Variants in CWF19L1 observed in about 807,000 individuals in gnomAD.
CWF19L1 encodes the protein CWF19 like cell cycle control factor 1.
A neutral mutation model predicts 69.7 loss-of-function variants in CWF19L1; 60 were observed. That is an observed-to-expected ratio of 0.86 (90% CI 0.70 to 1.07). The LOEUF is 1.07. Among genes scored for constraint, CWF19L1 ranks in the 50% least tolerant of loss-of-function variants. The pLI is 0.00. For missense variants in CWF19L1, 591 were observed against 638.9 expected, an observed-to-expected ratio of 0.92 and a Z score of 0.81; for synonymous variants, 209 against 222.2, an observed-to-expected ratio of 0.94 and a Z score of 0.53.
chr10:100,253,892 T>TG (rs1847124563), intron 5 of CWF19L1: 2 of 174,626 alleles, frequency 1.1e-5, no homozygotes, highest in African/African-American at 4.8e-5. Flanking sequence ...TTTTTTTTTT[T>TG]GAGATGGAGT....
At chr10:100,238,558 T>G (rs1261128831) in intron 10 of CWF19L1, among the ~76,000 whole-genome samples, 3 of 152,150 alleles carry the variant, frequency 2.0e-5, no homozygotes, top group Non-Finnish European at 4.4e-5. Context: ...GGGTTTTCCC[T>G]CCCATGCTCC....
intron 11 of CWF19L1, 148 bp from the exon 12 acceptor site, chr10:100,237,117 GCCTGTCTGTAAGGACTTAA>G (rs773162755): frequency 4.0e-6 from 4 of 988,462 alleles, no homozygotes; most frequent in African/African-American, 1.6e-5. Flanking sequence ...GCCTGTGTCA[GCCTGTCTGTAAGGACTTAA>G]ACTTATGAGA....
intron 1 of CWF19L1, among the ~76,000 whole-genome samples, chr10:100,265,667 C>T (rs1847556338): frequency 1.3e-5 from 2 of 151,936 alleles, no homozygotes; most frequent in African/African-American, 4.8e-5. Flanking sequence ...ATTACAGGCG[C>T]CCGCTACCAC....
intron 4 of CWF19L1, chr10:100,258,791 A>G (rs1385632175): frequency 6.6e-6 from 1 of 152,004 alleles, no homozygotes; most frequent in African/African-American, 2.4e-5. Flanking sequence ...ACTAAAGGCC[A>G]AGATGAACTA....
intron 3 of CWF19L1, 116 bp from the exon 4 acceptor site, chr10:100,260,435 A>T: frequency 1.7e-6 from 1 of 574,924 alleles, no homozygotes; most frequent in East Asian, 3.1e-5. Context: ...ATGCATTCAC[A>T]TTCCCCATAT....
Position 100,238,013 on chromosome 10 carries a change from A to C in CWF19L1, c.1254+9T>G. 1.9e-6 allele frequency: 3 copies of C among 1,612,658 alleles called. No homozygotes were observed. The highest frequency in any genetic ancestry group is 2.5e-6 in the Non-Finnish European group (3 of 1,178,666). ...CGCCCTTCCAAGTTTCTATGAACAG[A>C]CCACCTACCTGTAGCTGGAGGTGAT... On this transcript the variant is annotated intron_variant, in intron 11 of 13. Coordinates refer to ENST00000354105, the MANE Select transcript of CWF19L1 (RefSeq NM_018294.6).
At chr10:100,252,498 AT>A (rs1438095181) in intron 6 of CWF19L1, among the ~76,000 whole-genome samples, 2 of 152,086 alleles carry the variant, frequency 1.3e-5, no homozygotes, top group South Asian at 2.1e-4. Flanking sequence ...AATTAAAAAA[AT>A]AAAAACTCCA....
intron 4 of CWF19L1, among the ~76,000 whole-genome samples, chr10:100,257,305 T>C (rs1847245645): frequency 7.3e-6 from 1 of 137,706 alleles, no homozygotes; most frequent in Non-Finnish European, 1.6e-5. Context: ...TTTTTTTTTT[T>C]TTTTTTTGAG....
intron 1 of CWF19L1, chr10:100,262,445 C>T (rs968325852): frequency 1.4e-5 from 14 of 985,308 alleles, no homozygotes; most frequent in Middle Eastern, 5.2e-4. Flanking sequence ...TTGACTCCTC[C>T]TATCTTAGTA....
intron 9 of CWF19L1, among the ~76,000 whole-genome samples, chr10:100,244,939 TG>T (rs1846762377): frequency 6.6e-6 from 1 of 152,048 alleles, no homozygotes; most frequent in Admixed American, 6.6e-5. Flanking sequence ...ACAGTTAGTG[TG>T]AATCAGTTTC....
At position 100,256,313 on chromosome 10, in the gene CWF19L1, G is replaced by C; in HGVS notation, c.453C>G (p.Ile151Met). ...ACTTGGGCCATGGGGATGTGAGCAA[G>C]ATATCAACACCCTTAAACTGGGAGG... ...CTTSQFKGVD[I>M]LLTSPWPKCV... Residue 151 changes from isoleucine to methionine, a missense_variant, in exon 5 of 14, where the codon ATC becomes ATG. This residue lies in a region of CWF19L1 where 458 missense variants were observed against 489.3 expected (regional missense o/e 0.94). Transcript: ENST00000354105. 1.2e-6 allele frequency: 2 copies of C among 1,614,164 alleles called. No homozygotes were observed. The highest frequency in any genetic ancestry group is 1.3e-5 in the African/African-American group (1 of 75,038).
chr10:100,251,393 G>T (rs183172491), intron 6 of CWF19L1, among the ~76,000 whole-genome samples: 307 of 151,716 alleles, frequency 2.0e-3, no homozygotes, highest in African/African-American at 7.2e-3. Context: ...TTATGTATTT[G>T]CCTTTTTGAC....
intron 10 of CWF19L1, among the ~76,000 whole-genome samples, 190 bp from the exon 11 acceptor site, chr10:100,238,421 G>C (rs1846524452): frequency 6.6e-6 from 1 of 152,222 alleles, no homozygotes; most frequent in Non-Finnish European, 1.5e-5. Flanking sequence ...CCGCTGAAGA[G>C]TGAGATTCGG....
chr10:100,244,762 T>TTC, intron 9 of CWF19L1, among the ~76,000 whole-genome samples: 1 of 151,884 alleles, frequency 6.6e-6, no homozygotes, highest in East Asian at 1.9e-4. Flanking sequence ...CAAGCGATTC[T>TTC]CATGCCTCAG....
intron 1 of CWF19L1, among the ~76,000 whole-genome samples, chr10:100,264,407 T>TGGTGGCGGGCGC (rs1353663951): frequency 6.6e-6 from 1 of 151,770 alleles, no homozygotes; most frequent in Non-Finnish European, 1.5e-5. Flanking sequence ...TAGCCGGGCG[T>TGGTGGCGGGCGC]GGTGGCGGGC....
At position 100,260,242 on chromosome 10, in the gene CWF19L1, A is replaced by G; in HGVS notation, c.265T>C (p.Leu89=). 1 of 1,610,426 alleles carries G rather than the reference A, an allele frequency of 6.2e-7. No individual in the cohort carries two copies. Among genetic ancestry groups the G allele is most frequent in the Non-Finnish European group, 8.5e-7 (1 of 1,177,110 alleles). Residue 89 remains leucine, a synonymous_variant, in exon 4 of 14, where the codon TTA becomes CTA. Transcript: ENST00000354105. ...KYFQDADGCE[L]AENITYLGRK... ...CCCAGATAAGTAATGTTTTCAGCTA[A>G]TTCACATCCATCAGCATCCTGGAAA...
chr10:100,248,984 C>G lies in CWF19L1; in HGVS notation c.708+1264G>C, dbSNP rs116839007. ...CTGATAGAGCTGCGCAAGCTGGAAG[C>G]TGTGGAGGACATCACATTCCAGCTC... is the stretch of plus-strand genomic sequence containing the variant. On this transcript the variant is annotated intron_variant, in intron 7 of 13. Coordinates refer to ENST00000354105, the MANE Select transcript of CWF19L1 (RefSeq NM_018294.6). 3.6e-3 allele frequency: 2,469 copies of G among 680,920 alleles called. 46 individuals carry two copies. The African/African-American group carries it at 0.038, about 11-fold the overall frequency. The allele number at this position is 680,920 out of a possible 1,614,324, so 42.2% of individuals were successfully genotyped here.
intron 7 of CWF19L1, chr10:100,249,134 A>T: frequency 2.4e-6 from 1 of 424,476 alleles, no homozygotes; most frequent in Non-Finnish European, 4.4e-6. Flanking sequence ...GATTCTTAAC[A>T]CTGTCTTCCT....
In CWF19L1 at chr10:100,233,158, C is replaced by G; in HGVS notation, c.*69G>C. On this transcript the variant is annotated 3_prime_UTR_variant, in exon 14 of 14. Coordinates refer to ENST00000354105, the MANE Select transcript of CWF19L1 (RefSeq NM_018294.6). The stretch of plus-strand genomic sequence containing the variant: ...GCGAGACTTTGTCTCAAAAAAAATT[C>G]TTTTAATTAAAAAAAAAAAAAAGCT... 6.9e-7 allele frequency: 1 copy of G among 1,453,118 alleles called. No individual in the cohort carries two copies. The allele number at this position is 1,453,118 out of a possible 1,614,324, so 90.0% of individuals were successfully genotyped here. A position where few individuals can be genotyped will look rare whatever the true frequency, so the allele number is the denominator to read the frequency against.
Sources: allele counts gnomAD v4.1 joint callset (sites outside exome capture counted in the v4.1 genomes callset), GRCh38; gene constraint gnomAD v4.1.1; regional missense constraint gnomAD v4.1.1; transcripts MANE v1.5; gene names NCBI Gene and HGNC (gene_info 2026-07-23, HGNC 2026-07-21).